The following CCHCR1 variants were observed in gnomAD, a reference collection of about 807,000 sequenced individuals.
CCHCR1 encodes the protein coiled-coil alpha-helical rod protein 1.
A neutral mutation model predicts 114.6 loss-of-function variants in CCHCR1; 91 were observed. That is an observed-to-expected ratio of 0.79 (90% CI 0.67 to 0.94). The LOEUF (loss-of-function observed/expected upper bound fraction) is 0.94. Ranked by LOEUF, CCHCR1 falls within the 40% of genes least tolerant of loss-of-function variation. CCHCR1 has a pLI of 0.00. For synonymous variants in CCHCR1, 379 were observed against 428.5 expected (o/e 0.88, Z 1.43); for missense variants, 899 against 1,079.9 (o/e 0.83, Z 2.35).
chr6:31,151,400 A>T lies in CCHCR1; in HGVS notation c.802-278T>A, dbSNP rs1460119899. Reference sequence around the variant, plus strand: ...CCTGGGCAACAGCGACCATCTCCTAACTAGTCTTTACAAACCCTCAGTGGC... The same window carrying T: ...CCTGGGCAACAGCGACCATCTCCTATCTAGTCTTTACAAACCCTCAGTGGC... On this transcript the variant is annotated intron_variant, in intron 4 of 17. Coordinates refer to ENST00000396268, the MANE Select transcript of CCHCR1 (RefSeq NM_001105564.2). This position sits in a 1 kb window ranked among gnomAD's most constrained non-coding sequence, Gnocchi z 4.1. Among the ~76,000 whole-genome samples the T allele has an allele frequency of 2.6e-5, 4 of 152,100 alleles. No homozygotes were observed. Among genetic ancestry groups the T allele is most frequent in the Non-Finnish European group, 4.4e-5 (3 of 68,004 alleles).
In CCHCR1 at chr6:31,143,785, G is replaced by T. The variant is rs138241249; in HGVS notation, c.2168-372C>A. On this transcript the variant is annotated intron_variant, in intron 15 of 17. Coordinates refer to ENST00000396268, the MANE Select transcript of CCHCR1 (RefSeq NM_001105564.2). The surrounding 1 kb of genome is among the most constrained non-coding windows in gnomAD (Gnocchi z 5.3). ...CAACTTATGTTTACAACTTACTTAG[G>T]CGTGGTGGCTCACGCCTATAATCCC... Among the ~76,000 whole-genome samples the T allele has an allele frequency of 4.4e-3, 669 of 152,328 alleles. 2 individuals carry two copies. The highest frequency in any genetic ancestry group is 9.0e-3 in the Admixed American group (137 of 15,300).
In CCHCR1 at chr6:31,154,570, C is replaced by T. The variant is rs777150449; in HGVS notation, c.727G>A (p.Glu243Lys). 8.7e-6 allele frequency: 14 copies of T among 1,612,916 alleles called. No individual in the cohort carries two copies. Among genetic ancestry groups the T allele is most frequent in the Non-Finnish European group, 1.2e-5 (14 of 1,179,984 alleles). The change falls in exon 4 of 18, where the codon GAG becomes AAG. Residue 243 changes from glutamate (E) to lysine (K), a missense_variant. Physicochemically the swap from Glu to Lys is moderately conservative, Grantham distance 56. Coordinates refer to ENST00000396268, the MANE Select transcript of CCHCR1 (RefSeq NM_001105564.2). The surrounding 1 kb of genome is among the most constrained non-coding windows in gnomAD (Gnocchi z 4.1). ...EGLRAALAGA[E>K]VVRKNLEEGS... ...TCTTCCAAGTTCTTCCGGACAACCT[C>T]AGCCCCAGCCAAAGCAGCACGCAGG...
In CCHCR1 at chr6:31,142,683, T is replaced by A; in HGVS notation, c.2525A>T (p.Asp842Val). Residue 842 changes from aspartate to valine, a missense_variant, in exon 18 of 18, where the codon GAC becomes GTC. Asp to Val is a radical substitution (Grantham distance 152, BLOSUM62 -3). Coordinates refer to ENST00000396268, the MANE Select transcript of CCHCR1 (RefSeq NM_001105564.2). ...SLSVLLDDLQDLSEAISKEEA... is the reference protein window; with the variant it reads ...SLSVLLDDLQVLSEAISKEEA... The stretch of plus-strand genomic sequence containing the variant: ...CTCTTTGGAAATGGCTTCACTCAGG[T>A]CCTGCAGGTCATCGAGCAGGACAGA... 6.2e-7 allele frequency: 1 copy of A among 1,612,748 alleles called. No homozygotes were observed. The highest frequency in any genetic ancestry group is 8.5e-7 in the Non-Finnish European group (1 of 1,179,906).
Position 31,148,427 on chromosome 6 carries a change from G to T in CCHCR1, c.1558C>A (p.Leu520Ile). The change falls in exon 10 of 18, where the codon CTT becomes ATT. Residue 520 changes from leucine to isoleucine, a missense_variant. Physicochemically the swap from Leu to Ile is conservative, Grantham distance 5 (BLOSUM62 2). Transcript: ENST00000396268. Reference sequence around the variant, plus strand: ...TACCTGCTGACAGCATTGACCACAAGCCTCAGCTGCTCCTCGGCTGAGGCT... The same window carrying T: ...TACCTGCTGACAGCATTGACCACAATCCTCAGCTGCTCCTCGGCTGAGGCT... ...QTASAEEQLR[L>I]VVNAVSSSQI... is the part of the protein sequence containing the mutation. 6.2e-7 allele frequency: 1 copy of T among 1,607,774 alleles called. No homozygotes were observed. Among genetic ancestry groups the T allele is most frequent in the South Asian group, 1.1e-5 (1 of 90,884 alleles).
At chr6:31,145,630 T>C in intron 11 of CCHCR1, 66 bp downstream of exon 11, 1 of 1,451,778 alleles carries the variant, frequency 6.9e-7, no homozygotes, top group South Asian at 1.1e-5. Flanking sequence ...GAGAGCTGGG[T>C]CAGGAAGAAG....
chr6:31,155,401 G>A (rs1460526229), intron 3 of CCHCR1, among the ~76,000 whole-genome samples: 3 of 151,886 alleles, frequency 2.0e-5, no homozygotes, highest in African/African-American at 4.8e-5. Flanking sequence ...TCAGGAGATC[G>A]AGATCATCCT....
chr6:31,144,485 G>A lies in CCHCR1; in HGVS notation c.2167+202C>T, dbSNP rs892481677. 14 of 516,662 alleles carry A rather than the reference G, an allele frequency of 2.7e-5. No homozygotes were observed. Among genetic ancestry groups the A allele is most frequent in the African/African-American group, 2.1e-4 (11 of 51,328 alleles). The allele number at this position is 516,662 out of a possible 1,614,324, so 32.0% of individuals were successfully genotyped here. On this transcript the variant is annotated intron_variant, in intron 15 of 17. Transcript: ENST00000396268. This position sits in a 1 kb window ranked among gnomAD's most constrained non-coding sequence, Gnocchi z 4.6. Reference sequence around the variant, plus strand: ...GCTTGGATTACAGGCATAAGCCACCGCGACCGGCCATATGCTGTTTCTTAA... The same window carrying A: ...GCTTGGATTACAGGCATAAGCCACCACGACCGGCCATATGCTGTTTCTTAA...
At position 31,154,477 on chromosome 6, in the gene CCHCR1, T is replaced by G. The variant is rs763045658; in HGVS notation, c.801+19A>C. Reference sequence around the variant, plus strand: ...AGCTCTCCGTTATGAATTTGAATCCTTTCTACCCCTGCATTCACCTGCTCT... The same window carrying G: ...AGCTCTCCGTTATGAATTTGAATCCGTTCTACCCCTGCATTCACCTGCTCT... On this transcript the variant is annotated intron_variant, in intron 4 of 17. Coordinates refer to ENST00000396268, the MANE Select transcript of CCHCR1 (RefSeq NM_001105564.2). The surrounding 1 kb of genome is among the most constrained non-coding windows in gnomAD (Gnocchi z 4.1). The G allele has an allele frequency of 4.4e-6, 7 of 1,593,834 alleles. No individual in the cohort carries two copies. The highest frequency in any genetic ancestry group is 6.0e-6 in the Non-Finnish European group (7 of 1,164,226).
chr6:31,151,128 G>C lies in CCHCR1; in HGVS notation c.802-6C>G. ...GCCTGTGTCAAAGAGGACAGCTGCG[G>C]AAAGAAGAGGGGGCTCAGCAGAGGC... On this transcript the variant is annotated splice_polypyrimidine_tract_variant and splice_region_variant and intron_variant, in intron 4 of 17. Coordinates refer to ENST00000396268, the MANE Select transcript of CCHCR1 (RefSeq NM_001105564.2). The surrounding 1 kb of genome is among the most constrained non-coding windows in gnomAD (Gnocchi z 4.1). 1 of 1,610,830 alleles carries C rather than the reference G, an allele frequency of 6.2e-7. No homozygotes were observed. The highest frequency in any genetic ancestry group is 1.1e-5 in the South Asian group (1 of 90,846).
intron 4 of CCHCR1, among the ~76,000 whole-genome samples, chr6:31,152,214 G>A (rs1235798161): frequency 3.3e-5 from 5 of 149,436 alleles, no homozygotes; most frequent in East Asian, 2.0e-4. Context: ...CCCGGGAGGC[G>A]GAGCTGGCAG....
chr6:31,156,969 G>C (rs1020615364), intron 2 of CCHCR1, 25 bp from the exon 3 acceptor site: 1 of 1,611,980 alleles, frequency 6.2e-7, no homozygotes, highest in Non-Finnish European at 8.5e-7. Flanking sequence ...AAACAAAGAT[G>C]GTCAGTTTCC....
Position 31,143,033 on chromosome 6 carries a change from G to A in CCHCR1, c.2421C>T (p.Ser807=), listed in dbSNP as rs547577235. 6.2e-7 allele frequency: 1 copy of A among 1,613,068 alleles called. No individual in the cohort carries two copies. Among genetic ancestry groups the A allele is most frequent in the African/African-American group, 1.3e-5 (1 of 75,052 alleles). The change falls in exon 17 of 18, where the codon AGC becomes AGT. Residue 807 remains serine (S), a synonymous_variant. Coordinates refer to ENST00000396268, the MANE Select transcript of CCHCR1 (RefSeq NM_001105564.2). The surrounding 1 kb of genome is among the most constrained non-coding windows in gnomAD (Gnocchi z 5.3). ...LLDKKKSVVS[S]PRPPECSASA... Reference sequence around the variant, plus strand: ...ATGCTGAACACTCTGGAGGCCTGGGGCTGGACACCACAGATTTCTTCTTAT... The same window carrying A: ...ATGCTGAACACTCTGGAGGCCTGGGACTGGACACCACAGATTTCTTCTTAT...
In CCHCR1 at chr6:31,144,811, G is replaced by C. The variant is rs532197348; in HGVS notation, c.2066-23C>G. On this transcript the variant is annotated intron_variant, in intron 14 of 17. Transcript: ENST00000396268. This position sits in a 1 kb window ranked among gnomAD's most constrained non-coding sequence, Gnocchi z 4.6. ...GGGCTGGGGTGAAAGTGCAGACGGG[G>C]CATATCAGCAGGAGCTTTGATTCGC... 175 of 1,610,894 alleles carry C rather than the reference G, an allele frequency of 1.1e-4. 2 individuals carry two copies. The South Asian group carries it at 1.8e-3, about 17-fold the overall frequency.
Position 31,151,186 on chromosome 6 carries a change from T to C in CCHCR1, c.802-64A>G, listed in dbSNP as rs1775179873. 1 of 1,518,406 alleles carries C rather than the reference T, an allele frequency of 6.6e-7. No individual in the cohort carries two copies. Among genetic ancestry groups the C allele is most frequent in the East Asian group, 2.3e-5 (1 of 44,190 alleles). The allele number at this position is 1,518,406 out of a possible 1,614,324, so 94.1% of individuals were successfully genotyped here. ...CACATGGAGGCCTTCCTTGTTCCCT[T>C]CACTCCCACTTTCTGTGACCTTAGA... On this transcript the variant is annotated intron_variant, in intron 4 of 17. Transcript: ENST00000396268. The surrounding 1 kb of genome is among the most constrained non-coding windows in gnomAD (Gnocchi z 4.1).
Position 31,143,703 on chromosome 6 carries a change from AGT to A in CCHCR1, c.2168-292_2168-291del, listed in dbSNP as rs576291989. Among the ~76,000 whole-genome samples the A allele has an allele frequency of 1.1e-4, 16 of 152,322 alleles. No homozygotes were observed. The South Asian group carries it at 3.3e-3, about 32-fold the overall frequency. ...GTGCAATTAGTGTTCACTGTCTTAA[AGT>A]GTGATGATTGCAGCTATATAGGAGA... On this transcript the variant is annotated intron_variant, in intron 15 of 17. Coordinates refer to ENST00000396268, the MANE Select transcript of CCHCR1 (RefSeq NM_001105564.2). The surrounding 1 kb of genome is among the most constrained non-coding windows in gnomAD (Gnocchi z 5.3).
intron 8 of CCHCR1, chr6:31,149,163 A>AG (rs1774834700): frequency 2.0e-5 from 3 of 147,836 alleles, no homozygotes; most frequent in African/African-American, 7.4e-5. Flanking sequence ...AAAAAAAAAA[A>AG]AAAAAAAAAA....
rs130066 is a variant in CCHCR1 at position 31,154,538 on chromosome 6, G to C, written c.759C>G (p.Ser253Arg). 0.43 allele frequency: 693,053 copies of C among 1,612,068 alleles called. 150,757 individuals carry two copies. Among genetic ancestry groups the C allele is most frequent in the Non-Finnish European group, 0.44 (524,375 of 1,179,304 alleles). ...TCTGAACCTCTTCCAGCTCCCGCTGGCTCCCCTCTTCCAAGTTCTTCCGGA... is the reference window on the plus strand; with the variant it reads ...TCTGAACCTCTTCCAGCTCCCGCTGCCTCCCCTCTTCCAAGTTCTTCCGGA... ...EVVRKNLEEG[S>R]QRELEEVQRL... Residue 253 changes from serine to arginine, a missense_variant, in exon 4 of 18, where the codon AGC becomes AGG. Transcript: ENST00000396268. The surrounding 1 kb of genome is among the most constrained non-coding windows in gnomAD (Gnocchi z 4.1).
chr6:31,147,800 C>T (rs1041509125), intron 10 of CCHCR1, among the ~76,000 whole-genome samples: 1 of 152,012 alleles, frequency 6.6e-6, no homozygotes, highest in South Asian at 2.1e-4. Context: ...AACCCCGTCC[C>T]TACTAAAAAT....
intron 10 of CCHCR1, among the ~76,000 whole-genome samples, chr6:31,146,596 G>A (rs1774372338): frequency 6.6e-6 from 1 of 152,180 alleles, no homozygotes; most frequent in Non-Finnish European, 1.5e-5. Flanking sequence ...GCTTGCAGCT[G>A]CATCCCCAGC....
Sources: allele counts gnomAD v4.1 joint callset (sites outside exome capture counted in the v4.1 genomes callset), GRCh38; gene constraint gnomAD v4.1.1; non-coding constraint Gnocchi (gnomAD v3.1); transcripts MANE v1.5; gene names NCBI Gene and HGNC (gene_info 2026-07-23, HGNC 2026-07-21).